ERVV-2: variants seen among roughly 807,000 people sequenced by gnomAD.
ERVV-2 encodes endogenous retrovirus group V member 2, envelope.
For synonymous variants in ERVV-2, 105 were observed against 184.6 expected, an observed-to-expected ratio of 0.57 and a Z score of 3.49; for missense variants, 291 against 495.1, an observed-to-expected ratio of 0.59 and a Z score of 3.91.
Position 53,049,058 on chromosome 19 carries a change from C to A in ERVV-2, c.-194C>A. 1.4e-6 allele frequency: 1 copy of A among 729,920 alleles called. No homozygotes were observed. The highest frequency in any genetic ancestry group is 2.2e-6 in the Non-Finnish European group (1 of 455,910). 45.2% of individuals were successfully genotyped at this position (729,920 alleles called of 1,614,324 possible). On this transcript the variant is annotated 5_prime_UTR_variant, in exon 2 of 2. Coordinates refer to ENST00000601417, the MANE Select transcript of ERVV-2 (RefSeq NM_001191055.2). ...CTCTCTGTTCACCCAAAACTAAAGT[C>A]AATCTCAGTACGGGGAATCTTGGTT...
rs2083912037 is a variant in ERVV-2 at position 53,051,114 on chromosome 19, C to A, written c.*255C>A. On this transcript the variant is annotated 3_prime_UTR_variant, in exon 2 of 2. Coordinates refer to ENST00000601417, the MANE Select transcript of ERVV-2 (RefSeq NM_001191055.2). Reference sequence around the variant, plus strand: ...CAGACAGTCAGCACTTCTCTAATAACCCATCCTAGAACAGCCTTTTGCTTT... The same window carrying A: ...CAGACAGTCAGCACTTCTCTAATAAACCATCCTAGAACAGCCTTTTGCTTT... The A allele has an allele frequency of 2.7e-6, 1 of 368,544 alleles. No homozygotes were observed. The highest frequency in any genetic ancestry group is 4.8e-6 in the Non-Finnish European group (1 of 208,234). 22.8% of individuals were successfully genotyped at this position (368,544 alleles called of 1,614,324 possible).
intron 1 of ERVV-2, among the ~76,000 whole-genome samples, chr19:53,045,182 A>G (rs550785061): frequency 1.1e-3 from 165 of 152,274 alleles, no homozygotes; most frequent in African/African-American, 3.6e-3. Flanking sequence ...TGATAAGCAG[A>G]GGAGGGAGGA....
chr19:53,050,746 A>T lies in ERVV-2; in HGVS notation c.1495A>T (p.Met499Leu). 6.5e-7 allele frequency: 1 copy of T among 1,536,110 alleles called. No individual in the cohort carries two copies. The highest frequency in any genetic ancestry group is 8.7e-7 in the Non-Finnish European group (1 of 1,146,902). The part of the protein sequence containing the change: ...IKQFHMKSPQ[M>L]ERYQLSVIGG... ...GCAATTTCACATGAAGTCCCCCCAA[A>T]TGGAAAGATATCAGCTATCTGTCAT... Residue 499 changes from methionine (M) to leucine (L), a missense_variant, in exon 2 of 2, where the codon ATG (methionine) becomes TTG (leucine). Coordinates refer to ENST00000601417, the MANE Select transcript of ERVV-2 (RefSeq NM_001191055.2).
At chr19:53,048,441 G>A (rs1354180142) in intron 1 of ERVV-2, among the ~76,000 whole-genome samples, 7 of 151,814 alleles carry the variant, frequency 4.6e-5, no homozygotes, top group Admixed American at 4.6e-4. Flanking sequence ...ACTTTGAGAG[G>A]CTGAAGCAGG....
Position 53,050,727 on chromosome 19 carries a change from T to G in ERVV-2, c.1476T>G (p.Phe492Leu), listed in dbSNP as rs1390271156. 1.3e-6 allele frequency: 2 copies of G among 1,535,938 alleles called. No individual in the cohort carries two copies. The highest frequency in any genetic ancestry group is 3.9e-5 in the Admixed American group (2 of 50,964). ...IKCVSSRIKQ[F>L]HMKSPQMERY... ...GTGTCTCTTCTAGGATAAAGCAATT[T>G]CACATGAAGTCCCCCCAAATGGAAA... The change falls in exon 2 of 2, where the codon TTT becomes TTG. Residue 492 changes from phenylalanine (F) to leucine (L), a missense_variant. Coordinates refer to ENST00000601417, the MANE Select transcript of ERVV-2 (RefSeq NM_001191055.2).
Position 53,050,777 on chromosome 19 carries a change from G to T in ERVV-2, c.1526G>T (p.Gly509Val), listed in dbSNP as rs1432367841. The change falls in exon 2 of 2, where the codon GGC becomes GTC. Residue 509 changes from glycine (G) to valine (V), a missense_variant. Transcript: ENST00000601417. ...MERYQLSVIG[G>V]PSTYKHISPL... Reference sequence around the variant, plus strand: ...AGATATCAGCTATCTGTCATTGGAGGCCCCAGCACCTATAAGCACATCTCC... The same window carrying T: ...AGATATCAGCTATCTGTCATTGGAGTCCCCAGCACCTATAAGCACATCTCC... The T allele has an allele frequency of 1.3e-6, 2 of 1,535,964 alleles. No homozygotes were observed. The highest frequency in any genetic ancestry group is 1.7e-6 in the Non-Finnish European group (2 of 1,146,920).
chr19:53,048,675 CAA>C (rs34725225), intron 1 of ERVV-2, among the ~76,000 whole-genome samples, 190 bp from the exon 2 acceptor site: 1,034 of 92,214 alleles, frequency 0.011, 12 homozygotes, highest in Admixed American at 0.045. Flanking sequence ...AATTCCATCT[CAA>C]AAAAAAAAAA....
At chr19:53,048,391 A>C (rs971134723) in intron 1 of ERVV-2, among the ~76,000 whole-genome samples, 6 of 150,916 alleles carry the variant, frequency 4.0e-5, no homozygotes, top group Admixed American at 1.3e-4. Flanking sequence ...AACAAACAAA[A>C]AAAAGGCCAG....
rs780761856 is a variant in ERVV-2 at position 53,050,162 on chromosome 19, G to A, written c.911G>A (p.Arg304Gln). ...GECAVGLLGP[R>Q]GIGVTIYNTT... is the part of the protein sequence containing the mutation. ...TGTGCTGTGGGACTTTTGGGACCAC[G>A]GGGGATAGGTGTGACCATTTATAAC... is the stretch of plus-strand genomic sequence containing the variant. The change falls in exon 2 of 2, where the codon CGG becomes CAG. Residue 304 changes from arginine to glutamine, a missense_variant. Transcript: ENST00000601417. 1,043 of 1,441,736 alleles carry A rather than the reference G, an allele frequency of 7.2e-4. 27 individuals carry two copies. The highest frequency in any genetic ancestry group is 9.5e-4 in the Non-Finnish European group (1,013 of 1,068,892). The allele number at this position is 1,441,736 out of a possible 1,614,324, so 89.3% of individuals were successfully genotyped here. A position where few individuals can be genotyped will look rare whatever the true frequency, so the allele number is the denominator to read the frequency against.
Position 53,051,050 on chromosome 19 carries a change from A to C in ERVV-2, c.*191A>C. The C allele has an allele frequency of 1.8e-6, 1 of 557,400 alleles. No individual in the cohort carries two copies. The highest frequency in any genetic ancestry group is 3.1e-6 in the Non-Finnish European group (1 of 323,340). 34.5% of individuals were successfully genotyped at this position (557,400 alleles called of 1,614,324 possible). A position where few individuals can be genotyped will look rare whatever the true frequency, so the allele number is the denominator to read the frequency against. ...AGCCCTTGGGAAAGGAATCTTTAGA[A>C]ACGCAGCCCACTGATAGCTTCCTTG... is the stretch of plus-strand genomic sequence containing the variant. On this transcript the variant is annotated 3_prime_UTR_variant, in exon 2 of 2. Transcript: ENST00000601417.
intron 1 of ERVV-2, among the ~76,000 whole-genome samples, chr19:53,045,985 G>A (rs1057345644): frequency 6.6e-6 from 1 of 152,148 alleles, no homozygotes; most frequent in South Asian, 2.1e-4. Context: ...ATTTTGGCCG[G>A]GCACGGTGGC....
At position 53,051,192 on chromosome 19, in the gene ERVV-2, G is replaced by A. The variant is rs1430575742; in HGVS notation, c.*333G>A. On this transcript the variant is annotated 3_prime_UTR_variant, in exon 2 of 2. Transcript: ENST00000601417. The stretch of plus-strand genomic sequence containing the variant: ...GACAAGTTCTTGCTCTGTCTCCCAG[G>A]CTGGAGTACAATGGTGCGATCTCGG... 1 of 189,296 alleles carries A rather than the reference G, an allele frequency of 5.3e-6. No individual in the cohort carries two copies. Among genetic ancestry groups the A allele is most frequent in the African/African-American group, 2.9e-5 (1 of 34,762 alleles). 11.7% of individuals were successfully genotyped at this position (189,296 alleles called of 1,614,324 possible). A position where few individuals can be genotyped will look rare whatever the true frequency, so the allele number is the denominator to read the frequency against.
chr19:53,051,397 C>T lies in ERVV-2; in HGVS notation c.*538C>T, dbSNP rs749504825. Among the ~76,000 whole-genome samples the T allele has an allele frequency of 7.9e-5, 12 of 151,958 alleles. No individual in the cohort carries two copies. The highest frequency in any genetic ancestry group is 1.8e-4 in the Non-Finnish European group (12 of 67,988). ...CTGACTTCAGGTGATTCGCTCGCCTCGGCCTCCTAAAGTGCTGGGATTATA... is the reference window on the plus strand; with the variant it reads ...CTGACTTCAGGTGATTCGCTCGCCTTGGCCTCCTAAAGTGCTGGGATTATA... On this transcript the variant is annotated 3_prime_UTR_variant, in exon 2 of 2. Coordinates refer to ENST00000601417, the MANE Select transcript of ERVV-2 (RefSeq NM_001191055.2).
chr19:53,048,675 CAAAAAAAAAA>C (rs34725225), intron 1 of ERVV-2, among the ~76,000 whole-genome samples, 182 bp from the exon 2 acceptor site: 2 of 92,218 alleles, frequency 2.2e-5, no homozygotes, highest in African/African-American at 9.0e-5. Flanking sequence ...AATTCCATCT[CAAAAAAAAAA>C]AAAAAAAAAA....
chr19:53,050,256 G>A lies in ERVV-2; in HGVS notation c.1005G>A (p.Met335Ile). 3.6e-6 allele frequency: 3 copies of A among 829,944 alleles called. No individual in the cohort carries two copies. Among genetic ancestry groups the A allele is most frequent in the Non-Finnish European group, 5.9e-6 (3 of 505,880 alleles). 51.4% of individuals were successfully genotyped at this position (829,944 alleles called of 1,614,324 possible). Residue 335 changes from methionine to isoleucine, a missense_variant, in exon 2 of 2, where the codon ATG (methionine) becomes ATA (isoleucine). Coordinates refer to ENST00000601417, the MANE Select transcript of ERVV-2 (RefSeq NM_001191055.2). ...CAGGGATGGGTGCGGCCATAGGAAT[G>A]ATCGCCCCATGGGGAGGGTTCACTT... The part of the protein sequence containing the change: ...ILAGMGAAIG[M>I]IAPWGGFTYH...
At chr19:53,046,777 C>G (rs1423033965) in intron 1 of ERVV-2, among the ~76,000 whole-genome samples, 1 of 152,182 alleles carries the variant, frequency 6.6e-6, no homozygotes, top group African/African-American at 2.4e-5. Flanking sequence ...CTAGGCTGGG[C>G]GCATTGGCTC....
chr19:53,050,792 A>T lies in ERVV-2; in HGVS notation c.1541A>T (p.Lys514Met). The T allele has an allele frequency of 6.5e-7, 1 of 1,536,106 alleles. No individual in the cohort carries two copies. The change falls in exon 2 of 2, where the codon AAG becomes ATG. Residue 514 changes from lysine (K) to methionine (M), a missense_variant. Physicochemically the swap from Lys to Met is moderately conservative, Grantham distance 95. Transcript: ENST00000601417. ...GTCATTGGAGGCCCCAGCACCTATA[A>T]GCACATCTCCCCCTTGGATGCCAGT... is the stretch of plus-strand genomic sequence containing the variant. The part of the protein sequence containing the change: ...LSVIGGPSTY[K>M]HISPLDASGQ...
At chr19:53,048,649 T>C (rs113896272) in intron 1 of ERVV-2, among the ~76,000 whole-genome samples, 41 of 120,292 alleles carry the variant, frequency 3.4e-4, no homozygotes, top group African/African-American at 1.3e-3. Flanking sequence ...CACTCCAGCC[T>C]GGGCGACAAG....
At position 53,050,829 on chromosome 19, in the gene ERVV-2, C is replaced by A. The variant is rs191385202; in HGVS notation, c.1578C>A (p.Phe526Leu). ...CCTTGGATGCCAGTGGGCAAAGATTCCGGGAAACTATGGAGGAATTTTCTC... is the reference window on the plus strand; with the variant it reads ...CCTTGGATGCCAGTGGGCAAAGATTACGGGAAACTATGGAGGAATTTTCTC... ...ISPLDASGQR[F>L]RETMEEFSL Residue 526 changes from phenylalanine to leucine, a missense_variant, in exon 2 of 2, where the codon TTC (phenylalanine) becomes TTA (leucine). Transcript: ENST00000601417. The A allele has an allele frequency of 5.9e-4, 908 of 1,533,850 alleles. 2 individuals carry two copies. The highest frequency in any genetic ancestry group is 7.5e-4 in the Non-Finnish European group (857 of 1,146,090).
Sources: allele counts gnomAD v4.1 joint callset (sites outside exome capture counted in the v4.1 genomes callset), GRCh38; gene constraint gnomAD v4.1.1; transcripts MANE v1.5; gene names NCBI Gene and HGNC (gene_info 2026-07-23, HGNC 2026-07-21).